Variants in GALNT18 observed in about 807,000 individuals in gnomAD.
GALNT18 encodes polypeptide N-acetylgalactosaminyltransferase 18.
Under a neutral mutation model 69.5 loss-of-function variants are expected in GALNT18, and 44 were observed. That is an observed-to-expected ratio of 0.63 (90% CI 0.50 to 0.81). GALNT18 has a LOEUF of 0.81. Among genes scored for constraint, GALNT18 ranks in the 40% least tolerant of loss-of-function variants. The pLI is 0.00. For missense variants in GALNT18, 715 were observed against 810.0 expected (o/e 0.88, Z 1.42); for synonymous variants, 364 against 318.2 (o/e 1.14, Z -1.53).
At chr11:11,508,242 C>CT (rs903624777) in intron 1 of GALNT18, among the ~76,000 whole-genome samples, 5 of 152,226 alleles carry the variant, frequency 3.3e-5, no homozygotes, top group African/African-American at 1.2e-4. Flanking sequence ...CACATATACC[C>CT]TTTTTTGTTT....
intron 9 of GALNT18, among the ~76,000 whole-genome samples, chr11:11,297,725 C>T (rs1326770384): frequency 6.6e-6 from 1 of 152,158 alleles, no homozygotes; most frequent in Non-Finnish European, 1.5e-5. Flanking sequence ...GTTATCCTGC[C>T]TGTGGACGTC....
In GALNT18 at chr11:11,389,893, C is replaced by A. The variant is rs565678013; in HGVS notation, c.596-10629G>T. On this transcript the variant is annotated intron_variant, in intron 3 of 10. Transcript: ENST00000227756. This position sits in a 1 kb window ranked among gnomAD's most constrained non-coding sequence, Gnocchi z 4.3. ...CCTTAGCAGTTAAGCCAGAGGCCAA[C>A]TTGAATTTTGGTGCTGGCTTCTCCT... is the stretch of plus-strand genomic sequence containing the variant. Among the ~76,000 whole-genome samples the A allele has an allele frequency of 6.6e-6, 1 of 152,148 alleles. No homozygotes were observed. Among genetic ancestry groups the A allele is most frequent in the Non-Finnish European group, 1.5e-5 (1 of 68,016 alleles).
rs1859347163 is a variant in GALNT18 at position 11,591,089 on chromosome 11, C to A, written c.235+30270G>T. ...GATGACAGCTCTATGCATGTTATTG[C>A]CCAATGGGACAAGATGTGGAGGTGG... is the stretch of plus-strand genomic sequence containing the variant. On this transcript the variant is annotated intron_variant, in intron 1 of 10. Transcript: ENST00000227756. The surrounding 1 kb of genome is among the most constrained non-coding windows in gnomAD (Gnocchi z 4.8). Among the ~76,000 whole-genome samples the A allele has an allele frequency of 6.6e-6, 1 of 151,762 alleles. No homozygotes were observed.
At chr11:11,537,862 C>T (rs1050034560) in intron 1 of GALNT18, among the ~76,000 whole-genome samples, 4 of 152,208 alleles carry the variant, frequency 2.6e-5, no homozygotes, top group Admixed American at 6.5e-5. Flanking sequence ...AATCTGATGG[C>T]TCTATTTGCT....
intron 1 of GALNT18, among the ~76,000 whole-genome samples, chr11:11,611,844 C>T (rs573919921): frequency 2.2e-4 from 33 of 152,210 alleles, no homozygotes; most frequent in Non-Finnish European, 4.3e-4. Flanking sequence ...GGAGAAAAGG[C>T]TGTCCACAGC....
intron 7 of GALNT18, among the ~76,000 whole-genome samples, chr11:11,334,394 T>G (rs1434130711): frequency 2.0e-5 from 3 of 151,794 alleles, no homozygotes. Context: ...TACAAAAAAA[T>G]TAGCCGGGCA....
Position 11,584,971 on chromosome 11 carries a change from T to C in GALNT18, c.235+36388A>G, listed in dbSNP as rs190358756. ...AAAACTTGCCTCCACCACTATGAGCTTGACGGCTTCCCAACACCTAAAGAC... is the reference window on the plus strand; with the variant it reads ...AAAACTTGCCTCCACCACTATGAGCCTGACGGCTTCCCAACACCTAAAGAC... On this transcript the variant is annotated intron_variant, in intron 1 of 10. Transcript: ENST00000227756. The surrounding 1 kb of genome is among the most constrained non-coding windows in gnomAD (Gnocchi z 4.1). Among the ~76,000 whole-genome samples, 1 of 152,326 alleles carries C rather than the reference T, an allele frequency of 6.6e-6. No homozygotes were observed. The highest frequency in any genetic ancestry group is 1.9e-4 in the East Asian group (1 of 5,184).
Position 11,421,065 on chromosome 11 carries a change from C to T in GALNT18, c.595+11556G>A, listed in dbSNP as rs773136501. 4.4e-4 allele frequency among the ~76,000 whole-genome samples: 67 copies of T among 152,158 alleles called. No homozygotes were observed. The highest frequency in any genetic ancestry group is 8.7e-4 in the Non-Finnish European group (59 of 68,030). ...AAAAAGAAGGAAGGTCCTTTGCCCTCCCAGGTGCTGTCCTTCGTCAGCAGG... is the reference window on the plus strand; with the variant it reads ...AAAAAGAAGGAAGGTCCTTTGCCCTTCCAGGTGCTGTCCTTCGTCAGCAGG... On this transcript the variant is annotated intron_variant, in intron 3 of 10. Transcript: ENST00000227756. The surrounding 1 kb of genome is among the most constrained non-coding windows in gnomAD (Gnocchi z 5.6).
At position 11,469,464 on chromosome 11, in the gene GALNT18, A is replaced by C. The variant is rs1856226392; in HGVS notation, c.236-20528T>G. On this transcript the variant is annotated intron_variant, in intron 1 of 10. Coordinates refer to ENST00000227756, the MANE Select transcript of GALNT18 (RefSeq NM_198516.3). The surrounding 1 kb of genome is among the most constrained non-coding windows in gnomAD (Gnocchi z 4.2). ...ACAGGCTGCTGCAGGGCTCAACAGAAGCCCCTGTCCTCTAGAGAGCAATCC... is the reference window on the plus strand; with the variant it reads ...ACAGGCTGCTGCAGGGCTCAACAGACGCCCCTGTCCTCTAGAGAGCAATCC... 6.6e-6 allele frequency among the ~76,000 whole-genome samples: 1 copy of C among 152,204 alleles called. No homozygotes were observed. Among genetic ancestry groups the C allele is most frequent in the Non-Finnish European group, 1.5e-5 (1 of 68,040 alleles).
intron 1 of GALNT18, among the ~76,000 whole-genome samples, chr11:11,476,977 G>A (rs1856414404): frequency 6.6e-6 from 1 of 152,216 alleles, no homozygotes; most frequent in Non-Finnish European, 1.5e-5. Flanking sequence ...GAGGATTTCT[G>A]AGTTGGGGTC....
chr11:11,620,470 G>T lies in GALNT18; in HGVS notation c.235+889C>A, dbSNP rs539205487. On this transcript the variant is annotated intron_variant, in intron 1 of 10. Coordinates refer to ENST00000227756, the MANE Select transcript of GALNT18 (RefSeq NM_198516.3). This position sits in a 1 kb window ranked among gnomAD's most constrained non-coding sequence, Gnocchi z 6.9. ...CACCCTCCCTTTGGACCCCCGCGCT[G>T]GTCTGGAGCGCACCCAACCAGCGTA... Among the ~76,000 whole-genome samples the T allele has an allele frequency of 2.0e-5, 3 of 152,190 alleles. No individual in the cohort carries two copies. Among genetic ancestry groups the T allele is most frequent in the African/African-American group, 4.8e-5 (2 of 41,546 alleles).
chr11:11,336,993 T>A (rs952748949), intron 7 of GALNT18, among the ~76,000 whole-genome samples: 1 of 152,122 alleles, frequency 6.6e-6, no homozygotes, highest in Non-Finnish European at 1.5e-5. Context: ...CAAAGAGGGC[T>A]TCCTGGAGTA....
At chr11:11,514,715 A>G (rs1369556216) in intron 1 of GALNT18, among the ~76,000 whole-genome samples, 1 of 152,174 alleles carries the variant, frequency 6.6e-6, no homozygotes, top group Non-Finnish European at 1.5e-5. Context: ...GGCTGCTGGT[A>G]GAGGGACTGG....
chr11:11,488,450 C>A (rs749171613), intron 1 of GALNT18, among the ~76,000 whole-genome samples: 2 of 152,004 alleles, frequency 1.3e-5, no homozygotes, highest in Non-Finnish European at 2.9e-5. Context: ...TCCAGGATAA[C>A]CTTCCCAACT....
At chr11:11,386,101 C>T (rs911146310) in intron 3 of GALNT18, among the ~76,000 whole-genome samples, 4 of 152,098 alleles carry the variant, frequency 2.6e-5, no homozygotes, top group African/African-American at 9.7e-5. Context: ...TTCTAGCCTC[C>T]GGAAGTATGA....
chr11:11,621,285 G>A lies in GALNT18; in HGVS notation c.235+74C>T. ...GCCGTGGCTGAGTTGATGCGCACCA[G>A]CCCCAGCGCACCCCGCGCCGCGCGG... On this transcript the variant is annotated intron_variant, in intron 1 of 10. Transcript: ENST00000227756. The surrounding 1 kb of genome is among the most constrained non-coding windows in gnomAD (Gnocchi z 9.3). 7.9e-7 allele frequency: 1 copy of A among 1,261,774 alleles called. No individual in the cohort carries two copies. The allele number at this position is 1,261,774 out of a possible 1,614,324, so 78.2% of individuals were successfully genotyped here.
rs74800726 is a variant in GALNT18 at position 11,469,150 on chromosome 11, G to A, written c.236-20214C>T. Among the ~76,000 whole-genome samples the A allele has an allele frequency of 4.7e-3, 721 of 152,186 alleles. 6 individuals carry two copies. Among genetic ancestry groups the A allele is most frequent in the African/African-American group, 0.016 (682 of 41,522 alleles). On this transcript the variant is annotated intron_variant, in intron 1 of 10. Transcript: ENST00000227756. This position sits in a 1 kb window ranked among gnomAD's most constrained non-coding sequence, Gnocchi z 4.2. ...CTGATGATATTATTTTTTGGATCCCGGTAGCCAAGAAAAGCAGTCTGAGTT... is the reference window on the plus strand; with the variant it reads ...CTGATGATATTATTTTTTGGATCCCAGTAGCCAAGAAAAGCAGTCTGAGTT...
At position 11,396,698 on chromosome 11, in the gene GALNT18, G is replaced by C. The variant is rs1854338404; in HGVS notation, c.596-17434C>G. ...ATCTAAGGGTGAAAGTGTTTGGTGAGGTCAAAAGGGAAGAAGAACAGAGGT... is the reference window on the plus strand; with the variant it reads ...ATCTAAGGGTGAAAGTGTTTGGTGACGTCAAAAGGGAAGAAGAACAGAGGT... On this transcript the variant is annotated intron_variant, in intron 3 of 10. Transcript: ENST00000227756. This position sits in a 1 kb window ranked among gnomAD's most constrained non-coding sequence, Gnocchi z 5.2. Among the ~76,000 whole-genome samples, 1 of 152,152 alleles carries C rather than the reference G, an allele frequency of 6.6e-6. No individual in the cohort carries two copies. Among genetic ancestry groups the C allele is most frequent in the African/African-American group, 2.4e-5 (1 of 41,448 alleles).
chr11:11,280,431 C>T (rs1447327229), intron 10 of GALNT18, among the ~76,000 whole-genome samples: 2 of 152,032 alleles, frequency 1.3e-5, no homozygotes, highest in East Asian at 3.9e-4. Flanking sequence ...CTCACCCCCT[C>T]CCAAATATGC....
Sources: gnomAD v4.1 joint callset for allele counts (sites outside exome capture counted in the v4.1 genomes callset) on GRCh38, gnomAD v4.1.1 for gene constraint, Gnocchi (gnomAD v3.1) non-coding constraint, MANE v1.5 for transcripts, NCBI Gene and HGNC (gene_info 2026-07-23, HGNC 2026-07-21) for gene names.